SSUH2: variants seen among roughly 807,000 people sequenced by gnomAD.
The protein encoded by SSUH2 is ssu-2 homolog, also known as protein SSUH2 homolog.
Under a neutral mutation model 55.3 loss-of-function variants are expected in SSUH2, and 47 were observed. That is an observed-to-expected ratio of 0.85 (90% CI 0.67 to 1.08). The LOEUF is 1.08. Among genes scored for constraint, SSUH2 ranks in the 50% least tolerant of loss-of-function variants. The pLI is 0.00. For missense variants in SSUH2, 535 were observed against 490.7 expected, an observed-to-expected ratio of 1.09 and a Z score of -0.85; for synonymous variants, 212 against 191.5, an observed-to-expected ratio of 1.11 and a Z score of -0.89.
Position 8,626,179 on chromosome 3 carries a change from A to C in SSUH2, c.767+50T>G, listed in dbSNP as rs761659879. 6.1e-6 allele frequency: 9 copies of C among 1,486,474 alleles called. No individual in the cohort carries two copies. The Admixed American group carries it at 6.7e-5, about 11-fold the overall frequency. The allele number at this position is 1,486,474 out of a possible 1,614,324, so 92.1% of individuals were successfully genotyped here. A position where few individuals can be genotyped will look rare whatever the true frequency, so the allele number is the denominator to read the frequency against. On this transcript the variant is annotated intron_variant, in intron 9 of 11. Transcript: ENST00000544814. Reference sequence around the variant, plus strand: ...CTCTGCAGAAGCCAGTCCAGGGCTAAGTCCCTCAGCCACCCCCGCATGCCA... The same window carrying C: ...CTCTGCAGAAGCCAGTCCAGGGCTACGTCCCTCAGCCACCCCCGCATGCCA...
At chr3:8,642,497 A>G (rs540104041) in intron 1 of SSUH2, among the ~76,000 whole-genome samples, 69 of 152,366 alleles carry the variant, frequency 4.5e-4, no homozygotes, top group Middle Eastern at 3.4e-3. Context: ...CCAGACCATC[A>G]CTGGAAGTGG....
chr3:8,632,927 T>C (rs1575122737), intron 4 of SSUH2, among the ~76,000 whole-genome samples: 1 of 152,212 alleles, frequency 6.6e-6, no homozygotes, highest in East Asian at 1.9e-4. Context: ...GCTTTGAGGC[T>C]ACCAAATCTG....
Position 8,659,452 on chromosome 3 carries a change from C to T in SSUH2, c.-395-439G>A, listed in dbSNP as rs372040292. 16 of 185,188 alleles carry T rather than the reference C, an allele frequency of 8.6e-5. No individual in the cohort carries two copies. The East Asian group carries it at 2.7e-3, about 32-fold the overall frequency. 11.5% of individuals were successfully genotyped at this position (185,188 alleles called of 1,614,324 possible). Reference sequence around the variant, plus strand: ...CCTCCAGGCAGCCTTCCCTGATCTCCCCCTGCCCAGAGCAGAGTGAGCTCC... The same window carrying T: ...CCTCCAGGCAGCCTTCCCTGATCTCTCCCTGCCCAGAGCAGAGTGAGCTCC... On this transcript the variant is annotated intron_variant, in intron 6 of 18. Coordinates refer to the SSUH2 transcript ENST00000317371.
chr3:8,672,366 TG>T (rs1704687296), intron 3 of SSUH2, among the ~76,000 whole-genome samples: 1 of 152,082 alleles, frequency 6.6e-6, no homozygotes, highest in African/African-American at 2.4e-5. Flanking sequence ...ACAGTGTGGG[TG>T]TACACCTCCT....
chr3:8,677,774 C>T (rs949489078), intron 2 of SSUH2, among the ~76,000 whole-genome samples: 2 of 150,632 alleles, frequency 1.3e-5, no homozygotes, highest in African/African-American at 4.9e-5. Flanking sequence ...TTGGGCAAAA[C>T]CTGAACATAA....
intron 3 of SSUH2, among the ~76,000 whole-genome samples, chr3:8,676,255 TATC>T (rs1027545931): frequency 1.3e-5 from 2 of 151,862 alleles, no homozygotes; most frequent in African/African-American, 2.4e-5. Flanking sequence ...CTGGGAGTAA[TATC>T]ATCCTCTTCC....
In SSUH2 at chr3:8,623,603, C is replaced by T. The variant is rs888776641; in HGVS notation, c.927G>A (p.Arg309=). The change falls in exon 11 of 12, where the codon AGG becomes AGA. Residue 309 remains arginine (R), a synonymous_variant. Coordinates refer to ENST00000544814, the MANE Select transcript of SSUH2 (RefSeq NM_001256748.3). ...PLRDISLASQ[R]GIAEHSAALA... ...AGGCAGCGCTGTGCTCTGCAATGCC[C>T]CTCTGGGAGGCAAGAGAGATGTCTC... The T allele has an allele frequency of 1.3e-6, 2 of 1,547,828 alleles. No individual in the cohort carries two copies. Among genetic ancestry groups the T allele is most frequent in the African/African-American group, 2.7e-5 (2 of 72,998 alleles).
chr3:8,674,182 CT>C (rs113382394), intron 3 of SSUH2, among the ~76,000 whole-genome samples: 1,714 of 152,322 alleles, frequency 0.011, 27 homozygotes, highest in African/African-American at 0.038. Context: ...TGTTTGTTAG[CT>C]GCAGCAATCA....
intron 3 of SSUH2, chr3:8,634,665 G>A (rs911400865): frequency 1.4e-5 from 15 of 1,077,672 alleles, no homozygotes; most frequent in African/African-American, 1.1e-4. Context: ...GAAAGTGGGT[G>A]TCCATGGAGG....
At chr3:8,631,262 G>A (rs1256913624) in intron 5 of SSUH2, among the ~76,000 whole-genome samples, 2 of 152,100 alleles carry the variant, frequency 1.3e-5, no homozygotes, top group Admixed American at 6.6e-5. Flanking sequence ...AAAATTAAAC[G>A]GAAGAATGTA....
intron 7 of SSUH2, among the ~76,000 whole-genome samples, chr3:8,657,990 C>T (rs1285512802): frequency 6.6e-6 from 1 of 152,238 alleles, no homozygotes; most frequent in Non-Finnish European, 1.5e-5. Context: ...GCTGGCCCTC[C>T]CTGTTCTTCC....
chr3:8,627,141 C>G (rs186453154), intron 8 of SSUH2: 4 of 152,404 alleles, frequency 2.6e-5, no homozygotes, highest in African/African-American at 9.6e-5. Flanking sequence ...TTTTACTCCT[C>G]ACGGTTTCCT....
In SSUH2 at chr3:8,619,784, A is replaced by G; in HGVS notation, c.*84T>C. The G allele has an allele frequency of 6.7e-7, 1 of 1,501,564 alleles. No homozygotes were observed. Among genetic ancestry groups the G allele is most frequent in the South Asian group, 1.3e-5 (1 of 78,212 alleles). 93.0% of individuals were successfully genotyped at this position (1,501,564 alleles called of 1,614,324 possible). A position where few individuals can be genotyped will look rare whatever the true frequency, so the allele number is the denominator to read the frequency against. ...GGGTTTGTATGTGATTGTCCAATGC[A>G]GCCAACAGTGAACACACTCAGAGAG... On this transcript the variant is annotated 3_prime_UTR_variant, in exon 12 of 12. Transcript: ENST00000544814.
chr3:8,680,028 C>T (rs1172089205), intron 1 of SSUH2, among the ~76,000 whole-genome samples: 1 of 152,136 alleles, frequency 6.6e-6, no homozygotes, highest in Admixed American at 6.5e-5. Flanking sequence ...AAGGGAAAAA[C>T]TTCCAGCAGC....
chr3:8,620,634 C>T (rs904383127), intron 11 of SSUH2, among the ~76,000 whole-genome samples: 12 of 152,204 alleles, frequency 7.9e-5, no homozygotes, highest in African/African-American at 2.9e-4. Context: ...TTCTAGGTTT[C>T]ACCAAGTGGG....
At chr3:8,633,846 C>T in intron 3 of SSUH2, 51 bp from the exon 4 acceptor site, 1 of 1,613,196 alleles carries the variant, frequency 6.2e-7, no homozygotes, top group Non-Finnish European at 8.5e-7. Context: ...GGCCTGTGGA[C>T]TCACGCGGGC....
intron 1 of SSUH2, among the ~76,000 whole-genome samples, chr3:8,638,238 C>G (rs1700243784): frequency 6.6e-6 from 1 of 152,088 alleles, no homozygotes; most frequent in African/African-American, 2.4e-5. Context: ...GACTGTAGCC[C>G]TGAAATACAT....
intron 7 of SSUH2, among the ~76,000 whole-genome samples, chr3:8,652,442 T>A (rs1702521900): frequency 6.6e-6 from 1 of 152,182 alleles, no homozygotes; most frequent in South Asian, 2.1e-4. Context: ...ACCTCAATGC[T>A]TATCATGTCT....
intron 1 of SSUH2, among the ~76,000 whole-genome samples, chr3:8,639,661 TTC>T (rs746827100): frequency 6.6e-6 from 1 of 152,186 alleles, no homozygotes; most frequent in Non-Finnish European, 1.5e-5. Flanking sequence ...CCCTTTAACG[TTC>T]TCTTTTTAAA....
Sources: allele counts gnomAD v4.1 joint callset (sites outside exome capture counted in the v4.1 genomes callset), GRCh38; gene constraint gnomAD v4.1.1; transcripts MANE v1.5; gene names NCBI Gene and HGNC (gene_info 2026-07-23, HGNC 2026-07-21).